The following SPAG16 variants were observed in gnomAD, a reference collection of about 807,000 sequenced individuals.
SPAG16 encodes the protein sperm associated antigen 16, also known as sperm-associated antigen 16 protein.
Under a neutral mutation model 80.4 loss-of-function variants are expected in SPAG16, and 86 were observed. The ratio of observed to expected loss-of-function variants is 1.07; its 90% CI spans 0.90 to 1.28. The LOEUF is 1.28. SPAG16 is among the 50% of genes most tolerant of loss of function. The pLI, the probability that SPAG16 is intolerant of heterozygous loss-of-function variation, is 0.00. For missense variants in SPAG16, 870 were observed against 765.3 expected, an observed-to-expected ratio of 1.14 and a Z score of -1.61; for synonymous variants, 294 against 265.9, an observed-to-expected ratio of 1.11 and a Z score of -1.03.
intron 15 of SPAG16, among the ~76,000 whole-genome samples, chr2:214,171,850 G>T (rs1165374099): frequency 6.6e-6 from 1 of 151,744 alleles, no homozygotes; most frequent in East Asian, 1.9e-4. Context: ...AGTTATTAAT[G>T]TTTTTTTCTT....
At chr2:214,056,374 A>G (rs1441249523) in intron 13 of SPAG16, among the ~76,000 whole-genome samples, 1 of 151,898 alleles carries the variant, frequency 6.6e-6, no homozygotes, top group Non-Finnish European at 1.5e-5. Context: ...GAGATACTGC[A>G]GTTTCTGTTC....
Position 213,330,177 on chromosome 2 carries a change from A to AGCATT in SPAG16, c.537-9983_537-9979dup, listed in dbSNP as rs1360738152. Among the ~76,000 whole-genome samples, 26 of 152,162 alleles carry AGCATT rather than the reference A, an allele frequency of 1.7e-4. 1 individual carries two copies. Among genetic ancestry groups the AGCATT allele is most frequent in the African/African-American group, 6.3e-4 (26 of 41,502 alleles). ...AGCCCCCACACAGAGTCCCTACTGG[A>AGCATT]GCATTGCCTAGTGGAGCTGTGAGAA... On this transcript the variant is annotated intron_variant, in intron 5 of 15. Coordinates refer to ENST00000331683, the MANE Select transcript of SPAG16 (RefSeq NM_024532.5).
At chr2:214,326,661 T>C (rs2126003158) in intron 15 of SPAG16, among the ~76,000 whole-genome samples, 1 of 151,976 alleles carries the variant, frequency 6.6e-6, no homozygotes, top group African/African-American at 2.4e-5. Context: ...TCACAGTACT[T>C]CCGGCCGGGC....
chr2:214,247,927 C>G (rs1037117382), intron 15 of SPAG16, among the ~76,000 whole-genome samples: 1 of 151,926 alleles, frequency 6.6e-6, no homozygotes, highest in South Asian at 2.1e-4. Context: ...ACTCAGGATG[C>G]TGAAGCAGCA....
chr2:213,369,634 C>G (rs1386799234), intron 8 of SPAG16, among the ~76,000 whole-genome samples: 1 of 152,044 alleles, frequency 6.6e-6, no homozygotes, highest in African/African-American at 2.4e-5. Flanking sequence ...ACAGTATTCT[C>G]AGACATGACT....
chr2:214,139,642 A>G (rs551497265), intron 14 of SPAG16, among the ~76,000 whole-genome samples: 56 of 152,312 alleles, frequency 3.7e-4, no homozygotes, highest in African/African-American at 1.3e-3. Flanking sequence ...CAAATATAAT[A>G]TGAATTCCTT....
chr2:214,196,119 C>T (rs927373479), intron 15 of SPAG16, among the ~76,000 whole-genome samples: 1 of 152,080 alleles, frequency 6.6e-6, no homozygotes, highest in South Asian at 2.1e-4. Context: ...TTCTTAATCC[C>T]GTGTTGAATG....
At chr2:213,837,977 A>G (rs536738309) in intron 10 of SPAG16, among the ~76,000 whole-genome samples, 2 of 152,284 alleles carry the variant, frequency 1.3e-5, no homozygotes, top group African/African-American at 4.8e-5. Context: ...GGCATATTTT[A>G]GGGTGAAATA....
chr2:213,901,307 T>C (rs932047300), intron 11 of SPAG16, among the ~76,000 whole-genome samples: 2 of 152,212 alleles, frequency 1.3e-5, no homozygotes, highest in East Asian at 3.8e-4. Flanking sequence ...TTCATTGTCA[T>C]TGAAAGAAAT....
chr2:213,904,787 T>C (rs1009589562), intron 11 of SPAG16, among the ~76,000 whole-genome samples: 3 of 151,984 alleles, frequency 2.0e-5, no homozygotes, highest in Non-Finnish European at 2.9e-5. Flanking sequence ...CAAGTCCTTA[T>C]GTGGCTAGAG....
chr2:213,511,679 T>C (rs761516187), intron 10 of SPAG16, among the ~76,000 whole-genome samples: 7 of 152,120 alleles, frequency 4.6e-5, no homozygotes, highest in Non-Finnish European at 1.0e-4. Flanking sequence ...GCTTTTAGCA[T>C]TGTATTTTAA....
At chr2:214,331,300 C>T (rs1167038693) in intron 15 of SPAG16, among the ~76,000 whole-genome samples, 2 of 152,156 alleles carry the variant, frequency 1.3e-5, no homozygotes, top group Admixed American at 1.3e-4. Context: ...ATGCCTAGCT[C>T]TTCCTGATCA....
chr2:213,677,221 A>G (rs2064130636), intron 10 of SPAG16, among the ~76,000 whole-genome samples: 1 of 152,262 alleles, frequency 6.6e-6, no homozygotes, highest in East Asian at 1.9e-4. Context: ...AATGAGCAAA[A>G]TAACCAGCTA....
intron 15 of SPAG16, among the ~76,000 whole-genome samples, chr2:214,156,423 T>C (rs1412572736): frequency 6.6e-6 from 1 of 152,180 alleles, no homozygotes; most frequent in East Asian, 1.9e-4. Flanking sequence ...AGCACTTTTT[T>C]GTCTTTTATT....
chr2:213,291,429 G>C (rs1164219278), intron 1 of SPAG16, among the ~76,000 whole-genome samples: 1 of 152,104 alleles, frequency 6.6e-6, no homozygotes, highest in Non-Finnish European at 1.5e-5. Flanking sequence ...AAATTATATT[G>C]TGGATACATA....
At chr2:213,728,871 C>T (rs1456922483) in intron 10 of SPAG16, among the ~76,000 whole-genome samples, 3 of 65,688 alleles carry the variant, frequency 4.6e-5, no homozygotes, top group Non-Finnish European at 8.3e-5. Context: ...AGTGAGACTC[C>T]GTCTCAAAAA....
At chr2:214,055,258 T>C (rs984465617) in intron 13 of SPAG16, among the ~76,000 whole-genome samples, 1 of 152,170 alleles carries the variant, frequency 6.6e-6, no homozygotes, top group African/African-American at 2.4e-5. Flanking sequence ...ATGATTTCCA[T>C]TTTTGATAGA....
chr2:213,416,097 T>C (rs2069239066), intron 9 of SPAG16, among the ~76,000 whole-genome samples: 1 of 152,202 alleles, frequency 6.6e-6, no homozygotes, highest in African/African-American at 2.4e-5. Flanking sequence ...GGATGTCACA[T>C]ACAGTGAGTT....
chr2:214,207,588 T>C (rs1356920602), intron 15 of SPAG16, among the ~76,000 whole-genome samples: 1 of 152,208 alleles, frequency 6.6e-6, no homozygotes, highest in Non-Finnish European at 1.5e-5. Flanking sequence ...CATGCTTAGC[T>C]TTTCTTTATT....
Sources: gnomAD v4.1 joint callset for allele counts (sites outside exome capture counted in the v4.1 genomes callset) on GRCh38, gnomAD v4.1.1 for gene constraint, MANE v1.5 for transcripts, NCBI Gene and HGNC (gene_info 2026-07-23, HGNC 2026-07-21) for gene names.